ANKS1A: variants seen among roughly 807,000 people sequenced by gnomAD.
ANKS1A encodes the protein ankyrin repeat and SAM domain-containing protein 1A.
In ANKS1A, 55 loss-of-function variants were observed where a neutral mutation model predicts 120.3. The ratio of observed to expected loss-of-function variants is 0.46; its 90% CI spans 0.37 to 0.57. ANKS1A has a LOEUF of 0.57. Ranked by LOEUF, ANKS1A falls within the 20% of genes least tolerant of loss-of-function variation. ANKS1A has a pLI of 0.00. For synonymous variants in ANKS1A, 590 were observed against 604.7 expected (o/e 0.98, Z 0.36); for missense variants, 1,123 against 1,480.3 (o/e 0.76, Z 3.96).
Position 35,085,886 on chromosome 6 carries a change from A to C in ANKS1A, c.3253A>C (p.Lys1085Gln), listed in dbSNP as rs922383322. ...CTCTGCAGCTGAGATGATTGAAACA[A>C]AATCTTCCAAACCGGTGCCTAAGCC... ...GASAAEMIET[K>Q]SSKPVPKPRV... The change falls in exon 22 of 24, where the codon AAA becomes CAA. Residue 1085 changes from lysine to glutamine, a missense_variant. Lys to Gln is a moderately conservative substitution (Grantham distance 53). Transcript: ENST00000360359. This position sits in a 1 kb window ranked among gnomAD's most constrained non-coding sequence, Gnocchi z 4.7. 1 of 1,613,394 alleles carries C rather than the reference A, an allele frequency of 6.2e-7. No individual in the cohort carries two copies. Among genetic ancestry groups the C allele is most frequent in the Non-Finnish European group, 8.5e-7 (1 of 1,179,860 alleles).
chr6:35,061,537 T>G (rs1776504505), intron 13 of ANKS1A, among the ~76,000 whole-genome samples: 1 of 152,140 alleles, frequency 6.6e-6, no homozygotes, highest in Non-Finnish European at 1.5e-5. Flanking sequence ...TCCTGAATAG[T>G]GGCCTGCCCA....
chr6:35,017,057 C>T (rs1774054690), intron 10 of ANKS1A, among the ~76,000 whole-genome samples: 1 of 151,528 alleles, frequency 6.6e-6, no homozygotes, highest in Admixed American at 6.6e-5. Context: ...GGTCTCCCTG[C>T]TCGCGCTTGC....
chr6:34,967,541 AT>A (rs1159802174), intron 2 of ANKS1A, among the ~76,000 whole-genome samples: 276 of 147,178 alleles, frequency 1.9e-3, no homozygotes, highest in East Asian at 0.012. Context: ...AAAAAAAAAA[AT>A]TTTTTTAATT....
Position 34,889,945 on chromosome 6 carries a change from CTT to C in ANKS1A, c.197+347_197+348del, listed in dbSNP as rs10560116. On this transcript the variant is annotated intron_variant, in intron 1 of 23. Transcript: ENST00000360359. The surrounding 1 kb of genome is among the most constrained non-coding windows in gnomAD (Gnocchi z 5.5). ...GCCAATTAAGAGCAAATATGTATATCTTATATATATATATATGAGATCTCCCT... is the reference window on the plus strand; with the variant it reads ...GCCAATTAAGAGCAAATATGTATATCATATATATATATATGAGATCTCCCT... 0.3 allele frequency among the ~76,000 whole-genome samples: 45,931 copies of C among 151,742 alleles called. 9,675 individuals are homozygous for C. Among genetic ancestry groups the C allele is most frequent in the East Asian group, 0.58 (2,969 of 5,136 alleles).
At chr6:35,064,341 G>A (rs184736087) in intron 13 of ANKS1A, among the ~76,000 whole-genome samples, 37 of 152,292 alleles carry the variant, frequency 2.4e-4, no homozygotes, top group East Asian at 5.8e-4. Context: ...ATACTGAGTC[G>A]GCCAGGCCGG....
intron 10 of ANKS1A, among the ~76,000 whole-genome samples, chr6:34,998,722 C>G (rs58764768): frequency 0.088 from 13,446 of 152,168 alleles, 766 homozygotes; most frequent in East Asian, 0.34. Flanking sequence ...GAATTGCTCA[C>G]TCGGGGAGCT....
chr6:35,060,120 A>G lies in ANKS1A; in HGVS notation c.2078-27A>G. On this transcript the variant is annotated intron_variant, in intron 12 of 23. Transcript: ENST00000360359. This position sits in a 1 kb window ranked among gnomAD's most constrained non-coding sequence, Gnocchi z 4.5. The stretch of plus-strand genomic sequence containing the variant: ...CGCCTTAATGGTTTTTCCCTTTTCA[A>G]GCGTCTGCCGATTCCTCTCTCATCA... 1 of 1,594,438 alleles carries G rather than the reference A, an allele frequency of 6.3e-7. No individual in the cohort carries two copies. Among genetic ancestry groups the G allele is most frequent in the Non-Finnish European group, 8.6e-7 (1 of 1,165,904 alleles).
chr6:34,967,047 T>C (rs1770927057), intron 1 of ANKS1A, among the ~76,000 whole-genome samples, 192 bp from the exon 2 acceptor site: 1 of 152,220 alleles, frequency 6.6e-6, no homozygotes, highest in African/African-American at 2.4e-5. Flanking sequence ...CAGCAAACCA[T>C]TGCAGTGTAC....
chr6:34,926,215 A>C (rs1768708933), intron 1 of ANKS1A, among the ~76,000 whole-genome samples: 1 of 152,216 alleles, frequency 6.6e-6, no homozygotes, highest in South Asian at 2.1e-4. Context: ...GCCACCGTGC[A>C]GAGGACACAG....
intron 10 of ANKS1A, among the ~76,000 whole-genome samples, chr6:35,012,490 G>A (rs554074743): frequency 2.6e-5 from 4 of 152,282 alleles, no homozygotes; most frequent in African/African-American, 9.6e-5. Context: ...CTAATGATAC[G>A]GAGAACACAA....
At chr6:34,990,491 CT>C (rs36082323) in intron 9 of ANKS1A, among the ~76,000 whole-genome samples, 109,432 of 138,774 alleles carry the variant, frequency 0.79, 43,859 homozygotes, top group Non-Finnish European at 0.88. Context: ...TACCCCCCTC[CT>C]TTTTTTTTTT....
In ANKS1A at chr6:35,086,651, G is replaced by A. The variant is rs1050724937; in HGVS notation, c.3304-301G>A. ...TTTGCAAGCCCCATATCCCCTTCCT[G>A]CCCAGTGTGAGTGGGTCTGGGGCTT... On this transcript the variant is annotated intron_variant, in intron 22 of 23. Transcript: ENST00000360359. This position sits in a 1 kb window ranked among gnomAD's most constrained non-coding sequence, Gnocchi z 5.1. Among the ~76,000 whole-genome samples the A allele has an allele frequency of 6.6e-6, 1 of 152,076 alleles. No individual in the cohort carries two copies.
chr6:35,071,097 A>G (rs1777064561), intron 13 of ANKS1A: 1 of 338,078 alleles, frequency 3.0e-6, no homozygotes, highest in Non-Finnish European at 5.6e-6. Context: ...AAACTCTTTC[A>G]ACTAGTTGCC....
intron 12 of ANKS1A, among the ~76,000 whole-genome samples, chr6:35,056,509 C>T (rs182863986): frequency 3.7e-4 from 57 of 152,216 alleles, no homozygotes; most frequent in African/African-American, 1.2e-3. Flanking sequence ...AGGATGGTCT[C>T]GATCTCCTGA....
intron 10 of ANKS1A, among the ~76,000 whole-genome samples, chr6:35,012,106 A>G (rs746335460): frequency 2.0e-5 from 3 of 152,208 alleles, no homozygotes; most frequent in East Asian, 3.8e-4. Context: ...GGTAGGGACT[A>G]TAGAGAGGTC....
At chr6:34,920,365 A>G (rs1768371943) in intron 1 of ANKS1A, among the ~76,000 whole-genome samples, 1 of 151,818 alleles carries the variant, frequency 6.6e-6, no homozygotes, top group African/African-American at 2.4e-5. Flanking sequence ...ATAGATGTGC[A>G]CCACCATGCC....
At chr6:34,966,811 T>G (rs187660156) in intron 1 of ANKS1A, among the ~76,000 whole-genome samples, 1 of 152,222 alleles carries the variant, frequency 6.6e-6, no homozygotes, top group African/African-American at 2.4e-5. Context: ...TGCTTTTTTG[T>G]CCTTGATCCT....
intron 11 of ANKS1A, among the ~76,000 whole-genome samples, chr6:35,042,576 T>C (rs1775515785): frequency 6.6e-6 from 1 of 152,094 alleles, no homozygotes; most frequent in Admixed American, 6.5e-5. Context: ...CCTCGGACCT[T>C]ATGTATGTGT....
chr6:35,083,283 A>G (rs2127612181), intron 19 of ANKS1A, 57 bp downstream of exon 19: 1 of 1,607,756 alleles, frequency 6.2e-7, no homozygotes, highest in Non-Finnish European at 8.5e-7. Flanking sequence ...GAAGGCAGCA[A>G]TGGGGGCAGT....
Sources: allele counts gnomAD v4.1 joint callset (sites outside exome capture counted in the v4.1 genomes callset), GRCh38; gene constraint gnomAD v4.1.1; non-coding constraint Gnocchi (gnomAD v3.1); transcripts MANE v1.5; gene names NCBI Gene and HGNC (gene_info 2026-07-23, HGNC 2026-07-21).